Variants in NPC1 observed in about 807,000 individuals in gnomAD.
NPC1 encodes the protein Niemann-Pick C1 protein.
A neutral mutation model predicts 140.4 loss-of-function variants in NPC1; 85 were observed. The ratio of observed to expected loss-of-function variants is 0.61; its 90% CI spans 0.51 to 0.72. NPC1 has a LOEUF of 0.72. NPC1 is among the 30% of genes least tolerant of loss of function. NPC1 has a pLI of 0.00. For missense variants in NPC1, 1,504 were observed against 1,623.8 expected (o/e 0.93, Z 1.27); for synonymous variants, 656 against 624.8 (o/e 1.05, Z -0.74).
At chr18:23,527,730 G>T, downstream of NPC1, 1 of 1,259,274 alleles carries the variant, frequency 7.9e-7, no homozygotes, top group Non-Finnish European at 1.2e-6. Context: ...TCATAGCAAC[G>T]TGTGGAAATT....
chr18:23,554,426 C>T (rs930654626), intron 9 of NPC1, among the ~76,000 whole-genome samples: 2 of 151,972 alleles, frequency 1.3e-5, no homozygotes, highest in Non-Finnish European at 2.9e-5. Context: ...GCCAACATGG[C>T]GAAACCCCAT....
chr18:23,583,081 T>TG (rs2059375555), intron 1 of NPC1, among the ~76,000 whole-genome samples: 1 of 107,472 alleles, frequency 9.3e-6, no homozygotes, highest in African/African-American at 3.6e-5. Context: ...CACTTCAGCC[T>TG]GGGGGACAGT....
chr18:23,577,603 G>A (rs1180098119), intron 1 of NPC1, among the ~76,000 whole-genome samples: 1 of 152,230 alleles, frequency 6.6e-6, no homozygotes, highest in Non-Finnish European at 1.5e-5. Flanking sequence ...AGGTGGAGCT[G>A]CCTGCCAGTC....
Position 23,536,859 on chromosome 18 carries a change from C to T in NPC1, c.3059G>A (p.Ser1020Asn), listed in dbSNP as rs374719153. Residue 1020 changes from serine to asparagine, a missense_variant, in exon 21 of 25, where the codon AGT (serine) becomes AAT (asparagine). Ser to Asn is a conservative substitution (Grantham distance 46). Coordinates refer to ENST00000269228, the MANE Select transcript of NPC1 (RefSeq NM_000271.5). ...GCCAAGGAGGATGTTAACTGCAGAA[C>T]TATAGGCAGCATGTCCCCTGAGGAA... is the stretch of plus-strand genomic sequence containing the variant. ...KCGKGGHAAY[S>N]SAVNILLGHG... 6.2e-7 allele frequency: 1 copy of T among 1,614,026 alleles called. No homozygotes were observed. Among genetic ancestry groups the T allele is most frequent in the Admixed American group, 1.7e-5 (1 of 60,016 alleles).
At chr18:23,553,243 AG>A (rs2058900470) in intron 9 of NPC1, among the ~76,000 whole-genome samples, 1 of 152,248 alleles carries the variant, frequency 6.6e-6, no homozygotes, top group South Asian at 2.1e-4. Flanking sequence ...CTTGTGCCAC[AG>A]AGAGTAAACT....
intron 1 of NPC1, among the ~76,000 whole-genome samples, chr18:23,585,076 TA>T (rs1443336041): frequency 1.3e-5 from 2 of 152,132 alleles, no homozygotes; most frequent in African/African-American, 4.8e-5. Context: ...AAATAAATTT[TA>T]AAAAACTCTA....
In NPC1 at chr18:23,544,947, C is replaced by CCCCCCG. The variant is rs1555634660; in HGVS notation, c.1947+7_1947+12dup. The CCCCCCG allele has an allele frequency of 1.3e-5, 18 of 1,359,578 alleles. 1 individual carries two copies. Among genetic ancestry groups the CCCCCCG allele is most frequent in the South Asian group, 2.4e-5 (2 of 84,434 alleles). The allele number at this position is 1,359,578 out of a possible 1,614,324, so 84.2% of individuals were successfully genotyped here. A position where few individuals can be genotyped will look rare whatever the true frequency, so the allele number is the denominator to read the frequency against. ...TTAACCTCTAGAACATACACCACCC[C>CCCCCCG]CCCCCGGCTTACCAGAAGCCTGCGA... is the stretch of plus-strand genomic sequence containing the variant. On this transcript the variant is annotated intron_variant, in intron 12 of 24. Coordinates refer to ENST00000269228, the MANE Select transcript of NPC1 (RefSeq NM_000271.5).
intron 24 of NPC1, chr18:23,533,073 G>T: frequency 1.5e-6 from 1 of 679,656 alleles, no homozygotes; most frequent in Non-Finnish European, 2.1e-6. Context: ...CCTGCCTGCT[G>T]ACACTCAGAT....
chr18:23,574,406 A>C (rs1053790065), intron 1 of NPC1, among the ~76,000 whole-genome samples: 8 of 152,164 alleles, frequency 5.3e-5, no homozygotes, highest in African/African-American at 1.9e-4. Context: ...AGATATCAAG[A>C]AGCAGCCATG....
At chr18:23,561,113 G>A (rs2059032051) in intron 5 of NPC1, among the ~76,000 whole-genome samples, 2 of 152,154 alleles carry the variant, frequency 1.3e-5, no homozygotes, top group Non-Finnish European at 1.5e-5. Context: ...CTGGACCCAC[G>A]CAATCCTCCT....
chr18:23,548,507 A>T (rs1444461160), intron 10 of NPC1, among the ~76,000 whole-genome samples: 1 of 152,146 alleles, frequency 6.6e-6, no homozygotes, highest in Non-Finnish European at 1.5e-5. Flanking sequence ...CACTCCACAC[A>T]CACACAAGCA....
chr18:23,565,220 G>A (rs2059105990), intron 4 of NPC1, among the ~76,000 whole-genome samples: 1 of 152,178 alleles, frequency 6.6e-6, no homozygotes, highest in African/African-American at 2.4e-5. Context: ...AACAGAGATT[G>A]CCCTGAATCT....
intron 1 of NPC1, among the ~76,000 whole-genome samples, chr18:23,573,793 T>TAAGC (rs2059236563): frequency 6.6e-6 from 1 of 152,234 alleles, no homozygotes; most frequent in Non-Finnish European, 1.5e-5. Context: ...CTTATTTACA[T>TAAGC]AATTTCTATT....
chr18:23,551,500 G>C (rs1309781166), intron 10 of NPC1, 127 bp downstream of exon 10: 5 of 798,194 alleles, frequency 6.3e-6, no homozygotes, highest in Non-Finnish European at 1.1e-5. Context: ...TACTATTCTG[G>C]GATTCAAGAG....
Position 23,575,769 on chromosome 18 carries a change from C to CAAAAAAAAA in NPC1, c.58-2204_58-2196dup, listed in dbSNP as rs35922440. 5.8e-3 allele frequency among the ~76,000 whole-genome samples: 205 copies of CAAAAAAAAA among 35,096 alleles called. 17 individuals carry two copies. Among genetic ancestry groups the CAAAAAAAAA allele is most frequent in the Middle Eastern group, 0.031 (1 of 32 alleles). 23.0% of individuals were successfully genotyped at this position (35,096 alleles called of 152,430 possible). On this transcript the variant is annotated intron_variant, in intron 1 of 24. Transcript: ENST00000269228. ...CTTCTAGAGACACAGCAGAGAAGAC[C>CAAAAAAAAA]AAAAAAAAAAAAAAAAAAAAAAAAA...
Position 23,560,078 on chromosome 18 carries a change from T to C in NPC1, c.881+153A>G, listed in dbSNP as rs76772374. 4.8e-3 allele frequency among the ~76,000 whole-genome samples: 725 copies of C among 152,344 alleles called. 4 individuals are homozygous for C. Among genetic ancestry groups the C allele is most frequent in the African/African-American group, 0.017 (688 of 41,586 alleles). ...TAAACAGAACTTTGATGGTTTACTA[T>C]AGAATAGCTGTAGGACACAATAATC... On this transcript the variant is annotated intron_variant, in intron 6 of 24. Coordinates refer to ENST00000269228, the MANE Select transcript of NPC1 (RefSeq NM_000271.5).
chr18:23,572,635 A>C (rs2059219627), intron 2 of NPC1, among the ~76,000 whole-genome samples: 1 of 150,702 alleles, frequency 6.6e-6, no homozygotes, highest in South Asian at 2.1e-4. Flanking sequence ...GGAGTTTGAG[A>C]CCAGGCTAGG....
At chr18:23,561,066 C>A (rs2059031115) in intron 5 of NPC1, among the ~76,000 whole-genome samples, 1 of 152,144 alleles carries the variant, frequency 6.6e-6, no homozygotes, top group African/African-American at 2.4e-5. Context: ...GGTTGGAGTA[C>A]AATGGGATGA....
At chr18:23,552,299 AAATAAT>A in intron 9 of NPC1, among the ~76,000 whole-genome samples, 1 of 152,274 alleles carries the variant, frequency 6.6e-6, no homozygotes, top group South Asian at 2.1e-4. Context: ...TCTAAAAAAA[AAATAAT>A]AATAATTCAA....
Sources: gnomAD v4.1 joint callset for allele counts (sites outside exome capture counted in the v4.1 genomes callset) on GRCh38, gnomAD v4.1.1 for gene constraint, MANE v1.5 for transcripts, NCBI Gene and HGNC (gene_info 2026-07-23, HGNC 2026-07-21) for gene names.